ITGBL1: variants seen among roughly 807,000 people sequenced by gnomAD.
ITGBL1 encodes the protein integrin beta-like protein 1.
ITGBL1 carries 51 observed loss-of-function variants against 68.5 expected under a neutral mutation model. That is an observed-to-expected ratio of 0.74 (90% CI 0.59 to 0.94). ITGBL1 has a LOEUF of 0.94. ITGBL1 is among the 40% of genes least tolerant of loss of function. The pLI is 0.00. For synonymous variants in ITGBL1, 209 were observed against 227.3 expected (o/e 0.92, Z 0.72); for missense variants, 649 against 647.4 (o/e 1.00, Z -0.03).
chr13:101,543,644 G>T (rs1324203208), intron 2 of ITGBL1, among the ~76,000 whole-genome samples: 1 of 152,208 alleles, frequency 6.6e-6, no homozygotes, highest in African/African-American at 2.4e-5. Flanking sequence ...ATAATATCCT[G>T]CAGAGTGTTT....
chr13:101,671,075 C>A (rs1418126678), intron 7 of ITGBL1, among the ~76,000 whole-genome samples: 1 of 152,128 alleles, frequency 6.6e-6, no homozygotes, highest in African/African-American at 2.4e-5. Context: ...TCTTTGTCAT[C>A]TACTGTTACA....
intron 2 of ITGBL1, among the ~76,000 whole-genome samples, chr13:101,484,432 A>G (rs2048672005): frequency 6.6e-6 from 1 of 152,102 alleles, no homozygotes; most frequent in Admixed American, 6.6e-5. Context: ...CTATTCCAAC[A>G]TTGTGAATTG....
At chr13:101,696,988 G>A (rs2034017893) in intron 8 of ITGBL1, among the ~76,000 whole-genome samples, 1 of 151,864 alleles carries the variant, frequency 6.6e-6, no homozygotes, top group Non-Finnish European at 1.5e-5. Flanking sequence ...CTGGGCAAAA[G>A]CACACAGGTG....
chr13:101,549,685 T>G (rs952736968), intron 2 of ITGBL1, among the ~76,000 whole-genome samples: 11 of 152,066 alleles, frequency 7.2e-5, no homozygotes, highest in African/African-American at 2.7e-4. Context: ...ATGAGAAGAT[T>G]TTGAATCTTA....
intron 2 of ITGBL1, among the ~76,000 whole-genome samples, chr13:101,462,124 T>G (rs2048326079): frequency 6.6e-6 from 1 of 152,140 alleles, no homozygotes; most frequent in Admixed American, 6.5e-5. Flanking sequence ...AGTACCCCAC[T>G]CCCAAATCTC....
chr13:101,522,910 A>G (rs1318261916), intron 2 of ITGBL1, among the ~76,000 whole-genome samples: 1 of 152,220 alleles, frequency 6.6e-6, no homozygotes. Flanking sequence ...AATATCTACA[A>G]AGGACAAGCC....
chr13:101,596,671 G>T (rs1219381228), intron 6 of ITGBL1, among the ~76,000 whole-genome samples: 1 of 152,118 alleles, frequency 6.6e-6, no homozygotes, highest in East Asian at 1.9e-4. Flanking sequence ...GACCGTGGTT[G>T]TGAGACCTTA....
At position 101,534,691 on chromosome 13, in the gene ITGBL1, G is replaced by T. The variant is rs145704645; in HGVS notation, c.317-33008G>T. 1.4e-3 allele frequency among the ~76,000 whole-genome samples: 219 copies of T among 152,266 alleles called. 1 individual carries two copies. The highest frequency in any genetic ancestry group is 5.1e-3 in the African/African-American group (210 of 41,568). On this transcript the variant is annotated intron_variant, in intron 2 of 10. Transcript: ENST00000376180. The stretch of plus-strand genomic sequence containing the variant: ...GAAAAGGCTGAAGCTTAGGAAGAGG[G>T]TGTTAAATGTTCATAAAGGTCAAAA...
chr13:101,455,527 C>T (rs558861515), intron 2 of ITGBL1, among the ~76,000 whole-genome samples: 2 of 151,848 alleles, frequency 1.3e-5, no homozygotes, highest in Non-Finnish European at 2.9e-5. Context: ...ATTAGCTGGG[C>T]GTCGTGGCAT....
intron 8 of ITGBL1, 85 bp downstream of exon 8, chr13:101,692,786 A>T (rs1034294792): frequency 9.6e-6 from 8 of 831,592 alleles, no homozygotes; most frequent in Non-Finnish European, 1.7e-5. Flanking sequence ...TTGCTTTTTC[A>T]ATTGCTGTTA....
chr13:101,522,015 AAGAG>A (rs947766909), intron 2 of ITGBL1, among the ~76,000 whole-genome samples: 8 of 150,614 alleles, frequency 5.3e-5, no homozygotes, highest in African/African-American at 1.7e-4. Flanking sequence ...GTGGGAGAGA[AAGAG>A]AGAGGGAGGA....
chr13:101,690,408 C>T (rs1029765777), intron 7 of ITGBL1, among the ~76,000 whole-genome samples: 1 of 152,126 alleles, frequency 6.6e-6, no homozygotes, highest in African/African-American at 2.4e-5. Context: ...ATAAATTTGT[C>T]ACCATGAATA....
intron 2 of ITGBL1, among the ~76,000 whole-genome samples, chr13:101,548,602 T>C (rs983855100): frequency 2.0e-5 from 3 of 151,784 alleles, no homozygotes; most frequent in South Asian, 4.1e-4. Context: ...ATGTCTGTTA[T>C]CATTTTAAAC....
intron 2 of ITGBL1, among the ~76,000 whole-genome samples, chr13:101,467,752 C>T (rs1292480347): frequency 6.6e-6 from 1 of 152,148 alleles, no homozygotes; most frequent in Non-Finnish European, 1.5e-5. Context: ...ACCAAGAGCC[C>T]TATCGTTGTA....
rs147011601 is a variant in ITGBL1 at position 101,544,103 on chromosome 13, C to T, written c.317-23596C>T. Among the ~76,000 whole-genome samples the T allele has an allele frequency of 9.0e-3, 1,370 of 152,236 alleles. 19 individuals carry two copies. The highest frequency in any genetic ancestry group is 0.031 in the African/African-American group (1,289 of 41,506). ...TTGTTCTGTTGCTGGTGAGGAGCTGCGTTCCTTTGGAGGAGGAGAGGTGCT... is the reference window on the plus strand; with the variant it reads ...TTGTTCTGTTGCTGGTGAGGAGCTGTGTTCCTTTGGAGGAGGAGAGGTGCT... On this transcript the variant is annotated intron_variant, in intron 2 of 10. Transcript: ENST00000376180.
chr13:101,453,932 C>A lies in ITGBL1; in HGVS notation c.148C>A (p.Arg50Ser). 1.4e-6 allele frequency: 2 copies of A among 1,393,136 alleles called. No individual in the cohort carries two copies. Among genetic ancestry groups the A allele is most frequent in the Non-Finnish European group, 1.9e-6 (2 of 1,068,658 alleles). The allele number at this position is 1,393,136 out of a possible 1,614,324, so 86.3% of individuals were successfully genotyped here. The change falls in exon 2 of 11, where the codon CGC becomes AGC. Residue 50 changes from arginine (R) to serine (S), a missense_variant. Arg to Ser is a moderately radical substitution (Grantham distance 110, BLOSUM62 -1). Transcript: ENST00000376180. ...CRLSRAESER[R>S]CRAPGQPPGA... is the part of the protein sequence containing the mutation. ...GCTGTCCCGGGCCGAGTCGGAGCGACGCTGCCGCGCACCTGGGCAGCCCCC... is the reference window on the plus strand; with the variant it reads ...GCTGTCCCGGGCCGAGTCGGAGCGAAGCTGCCGCGCACCTGGGCAGCCCCC...
intron 2 of ITGBL1, among the ~76,000 whole-genome samples, chr13:101,557,724 A>G (rs1378659393): frequency 6.6e-6 from 1 of 152,052 alleles, no homozygotes; most frequent in Admixed American, 6.6e-5. Flanking sequence ...ATATTGGTAG[A>G]CGTTAAGTTC....
chr13:101,583,410 TG>T, intron 6 of ITGBL1, 54 bp downstream of exon 6: 2 of 1,324,036 alleles, frequency 1.5e-6, no homozygotes, highest in Non-Finnish European at 9.8e-7. Context: ...GGCTTGTTAA[TG>T]GGTAAAAAAA....
intron 2 of ITGBL1, among the ~76,000 whole-genome samples, chr13:101,549,380 A>T (rs1362104668): frequency 6.6e-6 from 1 of 151,988 alleles, no homozygotes; most frequent in African/African-American, 2.4e-5. Context: ...GGAGTGTGAG[A>T]AACTTTATAT....
Sources: gnomAD v4.1 joint callset for allele counts (sites outside exome capture counted in the v4.1 genomes callset) on GRCh38, gnomAD v4.1.1 for gene constraint, MANE v1.5 for transcripts, NCBI Gene and HGNC (gene_info 2026-07-23, HGNC 2026-07-21) for gene names.